The following DPYD variants were observed in gnomAD, a reference collection of about 807,000 sequenced individuals.
The protein encoded by DPYD is dihydropyrimidine dehydrogenase.
In DPYD, 109 loss-of-function variants were observed where a neutral mutation model predicts 116.2. The observed-to-expected ratio is 0.94, with a 90% CI of 0.80 to 1.10. The LOEUF is 1.10. DPYD is among the 50% of genes least tolerant of loss of function. The pLI, the probability that DPYD is intolerant of heterozygous loss-of-function variation, is 0.00. For missense variants in DPYD, 1,302 were observed against 1,254.5 expected (o/e 1.04, Z -0.57); for synonymous variants, 440 against 432.0 (o/e 1.02, Z -0.23).
At chr1:97,622,705 ACT>A (rs1259706786) in intron 8 of DPYD, among the ~76,000 whole-genome samples, 1 of 152,168 alleles carries the variant, frequency 6.6e-6, no homozygotes, top group East Asian at 1.9e-4. Flanking sequence ...CTCTAAAGTA[ACT>A]CTGTAAATCT....
At chr1:97,184,376 T>A (rs962085124) in intron 20 of DPYD, among the ~76,000 whole-genome samples, 8 of 152,178 alleles carry the variant, frequency 5.3e-5, no homozygotes, top group East Asian at 1.9e-4. Context: ...AATTTGCACT[T>A]CCATTGACAG....
intron 2 of DPYD, among the ~76,000 whole-genome samples, chr1:97,843,190 A>C (rs1475269433): frequency 6.6e-6 from 1 of 152,094 alleles, no homozygotes; most frequent in Admixed American, 6.5e-5. Flanking sequence ...CTTCTTATTA[A>C]TTGAGCTTAA....
intron 20 of DPYD, among the ~76,000 whole-genome samples, chr1:97,171,054 T>A (rs544000830): frequency 6.6e-6 from 1 of 152,244 alleles, no homozygotes; most frequent in East Asian, 1.9e-4. Flanking sequence ...AATATATGCA[T>A]GTAAATAAAT....
chr1:97,325,486 T>C (rs1309751009), intron 16 of DPYD, among the ~76,000 whole-genome samples: 1 of 152,058 alleles, frequency 6.6e-6, no homozygotes, highest in East Asian at 1.9e-4. Context: ...TGTCCTTAAA[T>C]GAGCACTTGC....
At chr1:97,545,175 T>C (rs370352268) in intron 12 of DPYD, among the ~76,000 whole-genome samples, 2 of 152,150 alleles carry the variant, frequency 1.3e-5, no homozygotes, top group Non-Finnish European at 2.9e-5. Context: ...TGTCTTATAA[T>C]GAAAAAAAAT....
At chr1:97,284,179 A>T (rs1665511300) in intron 18 of DPYD, among the ~76,000 whole-genome samples, 1 of 152,154 alleles carries the variant, frequency 6.6e-6, no homozygotes, top group African/African-American at 2.4e-5. Flanking sequence ...TGTGTCACAC[A>T]TAACTTTCAC....
intron 2 of DPYD, among the ~76,000 whole-genome samples, chr1:97,880,146 C>T (rs772632645): frequency 1.1e-4 from 16 of 151,256 alleles, no homozygotes; most frequent in Admixed American, 3.3e-4. Context: ...AAGGAGATAA[C>T]GAGATAACCA....
At chr1:97,217,109 G>A (rs1660456023) in intron 19 of DPYD, among the ~76,000 whole-genome samples, 1 of 152,060 alleles carries the variant, frequency 6.6e-6, no homozygotes, top group Non-Finnish European at 1.5e-5. Flanking sequence ...TTGGGAGGCT[G>A]AGGCAGGAGA....
chr1:97,877,137 T>C (rs1671962122), intron 2 of DPYD, among the ~76,000 whole-genome samples: 1 of 151,992 alleles, frequency 6.6e-6, no homozygotes, highest in Non-Finnish European at 1.5e-5. Flanking sequence ...AACCCCAGTG[T>C]TGAGTGGAAC....
At chr1:97,249,710 A>T (rs539081937) in intron 18 of DPYD, among the ~76,000 whole-genome samples, 2 of 152,234 alleles carry the variant, frequency 1.3e-5, no homozygotes, top group African/African-American at 4.8e-5. Flanking sequence ...AAACGAACTC[A>T]TATGTAAAAT....
chr1:97,429,728 T>C (rs551889919), intron 14 of DPYD, among the ~76,000 whole-genome samples: 1 of 152,276 alleles, frequency 6.6e-6, no homozygotes, highest in South Asian at 2.1e-4. Flanking sequence ...AAGTAGCTTC[T>C]ACTAACGAAT....
intron 18 of DPYD, among the ~76,000 whole-genome samples, chr1:97,267,821 CT>C (rs1453397790): frequency 6.6e-5 from 10 of 152,070 alleles, no homozygotes; most frequent in Non-Finnish European, 1.3e-4. Context: ...AAATCATGTC[CT>C]TCTCATATAC....
intron 13 of DPYD, among the ~76,000 whole-genome samples, chr1:97,507,547 T>G (rs1163459957): frequency 6.6e-6 from 1 of 152,026 alleles, no homozygotes; most frequent in Non-Finnish European, 1.5e-5. Context: ...CAGATCTTTA[T>G]TTCTAACAAG....
At chr1:97,208,562 G>C (rs1222247583) in intron 19 of DPYD, among the ~76,000 whole-genome samples, 2 of 151,900 alleles carry the variant, frequency 1.3e-5, no homozygotes, top group Non-Finnish European at 2.9e-5. Context: ...TGGGACTATA[G>C]GTGTGACACA....
chr1:97,639,884 C>T (rs1053697828), intron 8 of DPYD, among the ~76,000 whole-genome samples: 1 of 152,164 alleles, frequency 6.6e-6, no homozygotes, highest in African/African-American at 2.4e-5. Flanking sequence ...TGACGCAGAA[C>T]ATGCCTATTC....
chr1:97,609,318 A>G (rs1218329766), intron 8 of DPYD, among the ~76,000 whole-genome samples: 2 of 152,014 alleles, frequency 1.3e-5, no homozygotes, highest in African/African-American at 4.8e-5. Context: ...GCCACAATCT[A>G]GACTCTTTTG....
At chr1:97,627,771 G>C (rs1347235341) in intron 8 of DPYD, among the ~76,000 whole-genome samples, 1 of 151,750 alleles carries the variant, frequency 6.6e-6, no homozygotes, top group African/African-American at 2.4e-5. Flanking sequence ...TAGAGGAGTT[G>C]AACATCATTA....
intron 8 of DPYD, among the ~76,000 whole-genome samples, chr1:97,602,491 C>G (rs1286802337): frequency 6.6e-6 from 1 of 151,812 alleles, no homozygotes; most frequent in Non-Finnish European, 1.5e-5. Flanking sequence ...GGTTGAAATT[C>G]TTATAGAGGA....
Position 97,193,264 on chromosome 1 carries a change from C to A in DPYD, c.2443-16G>T, listed in dbSNP as rs1358705017. 1.2e-6 allele frequency: 2 copies of A among 1,611,374 alleles called. No homozygotes were observed. The highest frequency in any genetic ancestry group is 1.7e-5 in the Admixed American group (1 of 59,688). On this transcript the variant is annotated splice_polypyrimidine_tract_variant and intron_variant, in intron 19 of 22. Coordinates refer to ENST00000370192, the MANE Select transcript of DPYD (RefSeq NM_000110.4). Reference sequence around the variant, plus strand: ...CACTGCATACCTAGAAAAGACAGAGCAGTCAACCAAGTGTCAAACCAAGAG... The same window carrying A: ...CACTGCATACCTAGAAAAGACAGAGAAGTCAACCAAGTGTCAAACCAAGAG...
Sources: allele counts gnomAD v4.1 joint callset (sites outside exome capture counted in the v4.1 genomes callset), GRCh38; gene constraint gnomAD v4.1.1; transcripts MANE v1.5; gene names NCBI Gene and HGNC (gene_info 2026-07-23, HGNC 2026-07-21).